PCDHGC3: variants seen among roughly 807,000 people sequenced by gnomAD.
PCDHGC3 encodes the protein protocadherin gamma-C3.
In PCDHGC3, 26 loss-of-function variants were observed where a neutral mutation model predicts 59.2. The ratio of observed to expected loss-of-function variants is 0.44; its 90% CI spans 0.32 to 0.61. The LOEUF is 0.61. Ranked by LOEUF, PCDHGC3 falls within the 20% of genes least tolerant of loss-of-function variation. The probability of loss-of-function intolerance (pLI) is 0.05; values close to 1 mark genes in which losing one functional copy is unlikely to be tolerated. For missense variants in PCDHGC3, 1,080 were observed against 1,221.8 expected, an observed-to-expected ratio of 0.88 and a Z score of 1.73; for synonymous variants, 487 against 519.7, an observed-to-expected ratio of 0.94 and a Z score of 0.86.
chr5:141,477,037 G>A lies in PCDHGC3; in HGVS notation c.921G>A (p.Lys307=). ...LDLVTGMLTI[K]GRLDFEDTKL... is the part of the protein sequence containing the mutation. ...TTGTAACCGGGATGCTGACAATCAAGGGTCGGCTGGACTTCGAGGACACCA... is the reference window on the plus strand; with the variant it reads ...TTGTAACCGGGATGCTGACAATCAAAGGTCGGCTGGACTTCGAGGACACCA... The change falls in exon 1 of 4, where the codon AAG becomes AAA. Residue 307 remains lysine (K), a synonymous_variant. Coordinates refer to ENST00000308177, the MANE Select transcript of PCDHGC3 (RefSeq NM_002588.4). This position sits in a 1 kb window ranked among gnomAD's most constrained non-coding sequence, Gnocchi z 4.9. 6.2e-7 allele frequency: 1 copy of A among 1,614,266 alleles called. No individual in the cohort carries two copies. The highest frequency in any genetic ancestry group is 8.5e-7 in the Non-Finnish European group (1 of 1,180,052).
chr5:141,497,197 A>G (rs1243476120), intron 2 of PCDHGC3, among the ~76,000 whole-genome samples: 2 of 106,804 alleles, frequency 1.9e-5, no homozygotes, highest in African/African-American at 5.7e-5. Flanking sequence ...GCAGAGAACA[A>G]TGTGAGTGTA....
Position 141,489,471 on chromosome 5 carries a change from G to A in PCDHGC3, c.2431-5336G>A. ...AGGAGAATGGGCGCTATTTTTCCCT[G>A]AGCTTGATGAGTGGTGCCCTGGCAG... On this transcript the variant is annotated intron_variant, in intron 1 of 3. Transcript: ENST00000308177. This position sits in a 1 kb window ranked among gnomAD's most constrained non-coding sequence, Gnocchi z 4.5. 1 of 1,614,074 alleles carries A rather than the reference G, an allele frequency of 6.2e-7. No homozygotes were observed. The highest frequency in any genetic ancestry group is 8.5e-7 in the Non-Finnish European group (1 of 1,180,026).
rs1245526846 is a variant in PCDHGC3, at chr5:141,512,505, C to T, written c.*1332C>T. ...GCCACTGCCCAGGTCCCCAGTGCGCCCCCTAGTGGCCATAGCCTGGTTAAA... is the reference window on the plus strand; with the variant it reads ...GCCACTGCCCAGGTCCCCAGTGCGCTCCCTAGTGGCCATAGCCTGGTTAAA... On this transcript the variant is annotated 3_prime_UTR_variant, in exon 4 of 4. Transcript: ENST00000308177. The T allele has an allele frequency of 1.3e-5, 2 of 152,888 alleles. No individual in the cohort carries two copies. The highest frequency in any genetic ancestry group is 4.8e-5 in the African/African-American group (2 of 41,466). 9.5% of individuals were successfully genotyped at this position (152,888 alleles called of 1,614,324 possible). A position where few individuals can be genotyped will look rare whatever the true frequency, so the allele number is the denominator to read the frequency against.
At chr5:141,492,637 C>T (rs2099742781) in intron 1 of PCDHGC3, among the ~76,000 whole-genome samples, 1 of 152,260 alleles carries the variant, frequency 6.6e-6, no homozygotes, top group South Asian at 2.1e-4. Context: ...CTCTACGATC[C>T]TTGGGCCAGA....
chr5:141,491,549 A>T lies in PCDHGC3; in HGVS notation c.2431-3258A>T, dbSNP rs748281587. 18 of 1,613,860 alleles carry T rather than the reference A, an allele frequency of 1.1e-5. No homozygotes were observed. In the East Asian group the frequency reaches 3.8e-4, roughly 34 times the overall value. On this transcript the variant is annotated intron_variant, in intron 1 of 3. Coordinates refer to ENST00000308177, the MANE Select transcript of PCDHGC3 (RefSeq NM_002588.4). This position sits in a 1 kb window ranked among gnomAD's most constrained non-coding sequence, Gnocchi z 6.9. Reference sequence around the variant, plus strand: ...GTGACGCTGCGGCCCACAGACTCGCAGAGCCACTGCTACAGGACGTGCTTT... The same window carrying T: ...GTGACGCTGCGGCCCACAGACTCGCTGAGCCACTGCTACAGGACGTGCTTT...
In PCDHGC3 at chr5:141,512,739, T is replaced by C. The variant is rs1251649814; in HGVS notation, c.*1566T>C. The stretch of plus-strand genomic sequence containing the variant: ...GGCGGGTGGGCAGCGGGCGGCGGGC[T>C]CCGCGCAGCCGTCTGTCCTTGATCT... On this transcript the variant is annotated 3_prime_UTR_variant, in exon 4 of 4. Transcript: ENST00000308177. 1 of 152,822 alleles carries C rather than the reference T, an allele frequency of 6.5e-6. No individual in the cohort carries two copies. The highest frequency in any genetic ancestry group is 2.4e-5 in the African/African-American group (1 of 41,464). 9.5% of individuals were successfully genotyped at this position (152,822 alleles called of 1,614,324 possible).
chr5:141,487,475 C>T lies in PCDHGC3; in HGVS notation c.2431-7332C>T, dbSNP rs781308835. On this transcript the variant is annotated intron_variant, in intron 1 of 3. Coordinates refer to ENST00000308177, the MANE Select transcript of PCDHGC3 (RefSeq NM_002588.4). The surrounding 1 kb of genome is among the most constrained non-coding windows in gnomAD (Gnocchi z 5.0). ...TATCAAGTTTGTTGATGTGGGAGGC[C>T]ACTCTCATGGCTGTACACCCTTGGC... 1.2e-6 allele frequency: 2 copies of T among 1,614,156 alleles called. No homozygotes were observed. Among genetic ancestry groups the T allele is most frequent in the South Asian group, 1.1e-5 (1 of 91,080 alleles).
In PCDHGC3 at chr5:141,477,880, C is replaced by T. The variant is rs763789849; in HGVS notation, c.1764C>T (p.His588=). 10 of 1,614,058 alleles carry T rather than the reference C, an allele frequency of 6.2e-6. No homozygotes were observed. The African/African-American group carries it at 1.2e-4, about 19-fold the overall frequency. ...EMLPRGTSAG[H]LVSRVVGWDA... is the part of the protein sequence containing the mutation. ...TGCCTCGAGGTACCTCAGCTGGCCA[C>T]CTAGTGTCACGGGTGGTAGGCTGGG... is the stretch of plus-strand genomic sequence containing the variant. The change falls in exon 1 of 4, where the codon CAC becomes CAT. Residue 588 remains histidine (H), a synonymous_variant. Transcript: ENST00000308177. The surrounding 1 kb of genome is among the most constrained non-coding windows in gnomAD (Gnocchi z 4.9).
chr5:141,491,414 G>C lies in PCDHGC3; in HGVS notation c.2431-3393G>C, dbSNP rs137987971. 35 of 1,614,008 alleles carry C rather than the reference G, an allele frequency of 2.2e-5. No homozygotes were observed. Among genetic ancestry groups the C allele is most frequent in the African/African-American group, 1.3e-4 (10 of 74,910 alleles). On this transcript the variant is annotated intron_variant, in intron 1 of 3. Coordinates refer to ENST00000308177, the MANE Select transcript of PCDHGC3 (RefSeq NM_002588.4). The surrounding 1 kb of genome is among the most constrained non-coding windows in gnomAD (Gnocchi z 6.9). ...CTTCAGGGAAACGCAGACGGGGACG[G>C]GGGTGGAGGGCAGTGCTGCAGGCGC...
At position 141,489,577 on chromosome 5, in the gene PCDHGC3, C is replaced by A. The variant is rs918238376; in HGVS notation, c.2431-5230C>A. The stretch of plus-strand genomic sequence containing the variant: ...GCCAGTGCAGGTGGTGACTGAACAC[C>A]CCCTGGAGCTAATCCGTGTAGAGGT... On this transcript the variant is annotated intron_variant, in intron 1 of 3. Coordinates refer to ENST00000308177, the MANE Select transcript of PCDHGC3 (RefSeq NM_002588.4). This position sits in a 1 kb window ranked among gnomAD's most constrained non-coding sequence, Gnocchi z 4.5. The A allele has an allele frequency of 6.2e-7, 1 of 1,613,894 alleles. No individual in the cohort carries two copies. The highest frequency in any genetic ancestry group is 8.5e-7 in the Non-Finnish European group (1 of 1,180,000).
Position 141,478,013 on chromosome 5 carries a change from C to G in PCDHGC3, c.1897C>G (p.Pro633Ala), listed in dbSNP as rs768425714. ...CACTGGTCAAATCAGTACTGCCCGT[C>G]CAGTCCAAGACACAGATTCACCCAG... ...LHTGQISTAR[P>A]VQDTDSPRQT... Residue 633 changes from proline to alanine, a missense_variant, in exon 1 of 4, where the codon CCA becomes GCA. By Grantham distance (27) the Pro-to-Ala change is conservative. Transcript: ENST00000308177. 3.7e-6 allele frequency: 6 copies of G among 1,614,136 alleles called. No individual in the cohort carries two copies.
intron 3 of PCDHGC3, among the ~76,000 whole-genome samples, chr5:141,508,752 C>G (rs2099871515): frequency 6.6e-6 from 1 of 152,028 alleles, no homozygotes. Flanking sequence ...CGCTCTTTCT[C>G]TGGCGCCTCT....
At chr5:141,478,808 T>C in intron 1 of PCDHGC3, 1 of 1,459,124 alleles carries the variant, frequency 6.9e-7, no homozygotes, top group African/African-American at 1.4e-5. Flanking sequence ...TCTTTTGCTA[T>C]CACAACTAAC....
Position 141,476,278 on chromosome 5 carries a change from T to C in PCDHGC3, c.162T>C (p.Leu54=), listed in dbSNP as rs746655724. Residue 54 remains leucine (L), a synonymous_variant, in exon 1 of 4, where the codon CTT becomes CTC. Transcript: ENST00000308177. The surrounding 1 kb of genome is among the most constrained non-coding windows in gnomAD (Gnocchi z 7.6). ...CTGTGGGCAACGTGGTCGCGAACCTTGGTTTGGATCTCGGTAGCCTCTCAG... is the reference window on the plus strand; with the variant it reads ...CTGTGGGCAACGTGGTCGCGAACCTCGGTTTGGATCTCGGTAGCCTCTCAG... ...GFAVGNVVAN[L]GLDLGSLSAR... The C allele has an allele frequency of 3.2e-5, 52 of 1,613,758 alleles. No homozygotes were observed. Among genetic ancestry groups the C allele is most frequent in the Non-Finnish European group, 4.2e-5 (49 of 1,179,958 alleles).
At chr5:141,484,362 A>T (rs1460176695) in intron 1 of PCDHGC3, among the ~76,000 whole-genome samples, 1 of 152,196 alleles carries the variant, frequency 6.6e-6, no homozygotes, top group Non-Finnish European at 1.5e-5. Context: ...TATCTAGTGT[A>T]TCACTAGCAA....
At chr5:141,495,841 G>A (rs1187067340) in intron 2 of PCDHGC3, among the ~76,000 whole-genome samples, 1 of 151,864 alleles carries the variant, frequency 6.6e-6, no homozygotes, top group Non-Finnish European at 1.5e-5. Context: ...CAGCCTCTAT[G>A]TTTCTCTGTC....
At chr5:141,501,516 C>T (rs763346187) in intron 2 of PCDHGC3, among the ~76,000 whole-genome samples, 1 of 152,010 alleles carries the variant, frequency 6.6e-6, no homozygotes, top group African/African-American at 2.4e-5. Context: ...GGCCTCCAAG[C>T]TGAAGCCCAG....
chr5:141,478,927 C>T (rs2154577116), intron 1 of PCDHGC3: 2 of 690,162 alleles, frequency 2.9e-6, no homozygotes, highest in East Asian at 6.0e-5. Flanking sequence ...TAACCAGTGG[C>T]AGCTTCTAGG....
Position 141,477,912 on chromosome 5 carries a change from A to T in PCDHGC3, c.1796A>T (p.Asp599Val). The T allele has an allele frequency of 6.2e-7, 1 of 1,614,166 alleles. No individual in the cohort carries two copies. Among genetic ancestry groups the T allele is most frequent in the Non-Finnish European group, 8.5e-7 (1 of 1,180,022 alleles). ...LVSRVVGWDADAGHNAWLSYS... is the reference protein window; with the variant it reads ...LVSRVVGWDAVAGHNAWLSYS... ...TCACGGGTGGTAGGCTGGGACGCGGATGCAGGGCACAATGCCTGGCTCTCC... is the reference window on the plus strand; with the variant it reads ...TCACGGGTGGTAGGCTGGGACGCGGTTGCAGGGCACAATGCCTGGCTCTCC... Residue 599 changes from aspartate to valine, a missense_variant, in exon 1 of 4, where the codon GAT becomes GTT. Physicochemically the swap from Asp to Val is radical, Grantham distance 152. Coordinates refer to ENST00000308177, the MANE Select transcript of PCDHGC3 (RefSeq NM_002588.4). This position sits in a 1 kb window ranked among gnomAD's most constrained non-coding sequence, Gnocchi z 4.9.
Sources: allele counts gnomAD v4.1 joint callset (sites outside exome capture counted in the v4.1 genomes callset), GRCh38; gene constraint gnomAD v4.1.1; non-coding constraint Gnocchi (gnomAD v3.1); transcripts MANE v1.5; gene names NCBI Gene and HGNC (gene_info 2026-07-23, HGNC 2026-07-21).